USH2A: variants seen among roughly 807,000 people sequenced by gnomAD.
USH2A encodes Usher syndrome 2A (autosomal recessive, mild).
A neutral mutation model predicts 538.9 loss-of-function variants in USH2A; 443 were observed. The ratio of observed to expected loss-of-function variants is 0.82; its 90% CI spans 0.76 to 0.89. The LOEUF (loss-of-function observed/expected upper bound fraction) is 0.89. Ranked by LOEUF, USH2A falls within the 40% of genes least tolerant of loss-of-function variation. The pLI, the probability that USH2A is intolerant of heterozygous loss-of-function variation, is 0.00. For missense variants in USH2A, 6,633 were observed against 6,324.8 expected, an observed-to-expected ratio of 1.05 and a Z score of -1.65; for synonymous variants, 2,413 against 2,273.5, an observed-to-expected ratio of 1.06 and a Z score of -1.75.
chr1:216,136,900 C>T (rs2102607158), intron 21 of USH2A, among the ~76,000 whole-genome samples: 1 of 152,262 alleles, frequency 6.6e-6, no homozygotes, highest in South Asian at 2.1e-4. Context: ...GATATCAATC[C>T]TGCTGATATC....
In USH2A at chr1:216,398,552, C is replaced by CGATACACA. The variant is rs540128621; in HGVS notation, c.651+19961_651+19962insTGTGTATC. Among the ~76,000 whole-genome samples the CGATACACA allele has an allele frequency of 1.7e-3, 106 of 63,440 alleles. 1 individual carries two copies. The highest frequency in any genetic ancestry group is 6.4e-3 in the African/African-American group (100 of 15,570). The allele number at this position is 63,440 out of a possible 152,430, so 41.6% of individuals were successfully genotyped here. A position where few individuals can be genotyped will look rare whatever the true frequency, so the allele number is the denominator to read the frequency against. The stretch of plus-strand genomic sequence containing the variant: ...ACCAAACACACACACACAAGCACAC[C>CGATACACA]CATACACACACACACACTCTCTCCC... On this transcript the variant is annotated intron_variant, in intron 3 of 71. Transcript: ENST00000307340.
intron 44 of USH2A, among the ~76,000 whole-genome samples, chr1:215,865,419 A>G (rs1265959006): frequency 6.6e-6 from 1 of 152,176 alleles, no homozygotes; most frequent in African/African-American, 2.4e-5. Context: ...TTACTTCAGG[A>G]ATGCAATTAT....
intron 32 of USH2A, among the ~76,000 whole-genome samples, chr1:216,042,876 C>A (rs543042663): frequency 6.6e-6 from 1 of 151,950 alleles, no homozygotes; most frequent in African/African-American, 2.4e-5. Context: ...GAAAAAATAC[C>A]AAGGATGAAG....
intron 38 of USH2A, among the ~76,000 whole-genome samples, chr1:215,934,290 G>A (rs137988965): frequency 2.8e-4 from 42 of 151,954 alleles, no homozygotes; most frequent in East Asian, 9.7e-4. Flanking sequence ...TTTAAGTAAC[G>A]CCTTGAACAA....
rs552019651 is a variant in USH2A at position 215,956,250 on chromosome 1, T to C, written c.7120+9067A>G. 2.3e-3 allele frequency among the ~76,000 whole-genome samples: 353 copies of C among 152,268 alleles called. 3 individuals carry two copies. Among genetic ancestry groups the C allele is most frequent in the African/African-American group, 8.3e-3 (346 of 41,564 alleles). On this transcript the variant is annotated intron_variant, in intron 37 of 71. Transcript: ENST00000307340. Reference sequence around the variant, plus strand: ...CAACACTAGACAGGCATATCAGTGGTACACAACTATAGGTAAACATTATAT... The same window carrying C: ...CAACACTAGACAGGCATATCAGTGGCACACAACTATAGGTAAACATTATAT...
At chr1:215,637,671 A>G (rs1656537440) in intron 69 of USH2A, among the ~76,000 whole-genome samples, 1 of 152,228 alleles carries the variant, frequency 6.6e-6, no homozygotes, top group African/African-American at 2.4e-5. Flanking sequence ...CCAGACATGT[A>G]AAGTTTGGAA....
intron 71 of USH2A, among the ~76,000 whole-genome samples, chr1:215,626,439 G>A (rs1336744522): frequency 6.6e-6 from 1 of 151,624 alleles, no homozygotes; most frequent in Non-Finnish European, 1.5e-5. Flanking sequence ...ACATATATAT[G>A]GATTTAGTTC....
intron 21 of USH2A, among the ~76,000 whole-genome samples, chr1:216,108,344 C>A (rs1004220855): frequency 6.6e-6 from 1 of 151,258 alleles, no homozygotes; most frequent in Non-Finnish European, 1.5e-5. Context: ...TCATTGTTTT[C>A]TTCTATGTAG....
At chr1:215,709,725 T>C (rs751278504) in intron 61 of USH2A, among the ~76,000 whole-genome samples, 2 of 150,788 alleles carry the variant, frequency 1.3e-5, no homozygotes, top group Non-Finnish European at 2.9e-5. Flanking sequence ...TTGGTAAAAA[T>C]GATACCTATG....
At chr1:216,141,690 A>G (rs2033606640) in intron 21 of USH2A, among the ~76,000 whole-genome samples, 1 of 152,190 alleles carries the variant, frequency 6.6e-6, no homozygotes, top group Non-Finnish European at 1.5e-5. Flanking sequence ...CTCAGGATCT[A>G]ACTGAGAATC....
chr1:216,029,768 T>A (rs558106258), intron 32 of USH2A, among the ~76,000 whole-genome samples: 1 of 151,762 alleles, frequency 6.6e-6, no homozygotes, highest in South Asian at 2.1e-4. Context: ...ACTTAAACTA[T>A]CTAGACTTCA....
chr1:215,948,872 A>G (rs1362218416), intron 37 of USH2A, among the ~76,000 whole-genome samples: 1 of 152,162 alleles, frequency 6.6e-6, no homozygotes, highest in East Asian at 1.9e-4. Context: ...ACTAAAAAAA[A>G]TTGGTTATGG....
intron 61 of USH2A, among the ~76,000 whole-genome samples, chr1:215,722,969 A>T (rs371812791): frequency 6.6e-6 from 1 of 152,150 alleles, no homozygotes; most frequent in Non-Finnish European, 1.5e-5. Context: ...AATATCGCCA[A>T]CCTTGCCAGG....
At chr1:215,644,053 C>T (rs945999511) in intron 67 of USH2A, among the ~76,000 whole-genome samples, 1 of 152,182 alleles carries the variant, frequency 6.6e-6, no homozygotes, top group African/African-American at 2.4e-5. Context: ...TCAGACAGCA[C>T]ACATTAAGAA....
At chr1:216,120,323 T>C (rs1204555703) in intron 21 of USH2A, among the ~76,000 whole-genome samples, 4 of 145,988 alleles carry the variant, frequency 2.7e-5, no homozygotes, top group African/African-American at 7.6e-5. Flanking sequence ...TCATCTGAGG[T>C]CAGGAGATTG....
At chr1:216,163,516 T>C (rs1435534661) in intron 21 of USH2A, among the ~76,000 whole-genome samples, 1 of 152,036 alleles carries the variant, frequency 6.6e-6, no homozygotes, top group Non-Finnish European at 1.5e-5. Flanking sequence ...CCCTATTTTC[T>C]GGTATGCCTG....
chr1:216,404,136 T>C (rs906170149), intron 3 of USH2A, among the ~76,000 whole-genome samples: 4 of 152,126 alleles, frequency 2.6e-5, no homozygotes, highest in African/African-American at 9.7e-5. Context: ...AATTACAAAA[T>C]GCCAATAAAA....
intron 61 of USH2A, among the ~76,000 whole-genome samples, chr1:215,711,618 T>C (rs1659340852): frequency 1.3e-5 from 2 of 152,192 alleles, no homozygotes; most frequent in Admixed American, 6.5e-5. Context: ...TCTCTCCTTA[T>C]GTATCATTTT....
chr1:216,302,806 G>A (rs2037239393), intron 9 of USH2A, among the ~76,000 whole-genome samples: 1 of 151,988 alleles, frequency 6.6e-6, no homozygotes. Flanking sequence ...ATTGTAATAC[G>A]TGACATAAAA....
Sources: allele counts gnomAD v4.1 joint callset (sites outside exome capture counted in the v4.1 genomes callset), GRCh38; gene constraint gnomAD v4.1.1; transcripts MANE v1.5; gene names NCBI Gene and HGNC (gene_info 2026-07-23, HGNC 2026-07-21).